EPHB1: variants seen among roughly 807,000 people sequenced by gnomAD.
EPHB1 encodes the protein ephrin type-B receptor 1.
A neutral mutation model predicts 94.4 loss-of-function variants in EPHB1; 30 were observed. That is an observed-to-expected ratio of 0.32 (90% CI 0.24 to 0.43). The LOEUF is 0.43. EPHB1 is among the 20% of genes least tolerant of loss of function. The probability of loss-of-function intolerance (pLI) is 1.00; values close to 1 mark genes in which losing one functional copy is unlikely to be tolerated. For missense variants in EPHB1, 1,055 were observed against 1,308.3 expected, an observed-to-expected ratio of 0.81 and a Z score of 2.99; for synonymous variants, 522 against 489.1, an observed-to-expected ratio of 1.07 and a Z score of -0.89.
chr3:134,828,057 A>G (rs2036517198), intron 1 of EPHB1, among the ~76,000 whole-genome samples: 1 of 152,154 alleles, frequency 6.6e-6, no homozygotes, highest in East Asian at 1.9e-4. Flanking sequence ...GAACTGAGGA[A>G]GCCTTCTGAA....
chr3:134,947,747 TC>T (rs1321519138), intron 2 of EPHB1, among the ~76,000 whole-genome samples: 1 of 152,192 alleles, frequency 6.6e-6, no homozygotes, highest in African/African-American at 2.4e-5. Context: ...AGATAAATTT[TC>T]TCAATATCTC....
At chr3:135,186,764 T>G (rs1285214129) in intron 10 of EPHB1, among the ~76,000 whole-genome samples, 1 of 152,202 alleles carries the variant, frequency 6.6e-6, no homozygotes, top group Non-Finnish European at 1.5e-5. Context: ...TTTTCTCTCT[T>G]CCTCATTTTG....
chr3:134,835,275 A>G (rs1456891099), intron 1 of EPHB1, among the ~76,000 whole-genome samples: 1 of 152,226 alleles, frequency 6.6e-6, no homozygotes, highest in Non-Finnish European at 1.5e-5. Context: ...AACAAGTTCC[A>G]TCCCAGTGGG....
intron 1 of EPHB1, among the ~76,000 whole-genome samples, chr3:134,861,956 G>A (rs1380219217): frequency 2.0e-5 from 3 of 152,176 alleles, no homozygotes; most frequent in Admixed American, 6.5e-5. Flanking sequence ...CCAAGCTTGG[G>A]TATTCATTTT....
At chr3:135,254,971 C>A (rs1933309261) in intron 15 of EPHB1, among the ~76,000 whole-genome samples, 1 of 152,294 alleles carries the variant, frequency 6.6e-6, no homozygotes, top group Admixed American at 6.5e-5. Flanking sequence ...AGGAATTTAT[C>A]CATTTCTTCT....
At chr3:135,080,749 C>T (rs751345567) in intron 3 of EPHB1, among the ~76,000 whole-genome samples, 1 of 152,122 alleles carries the variant, frequency 6.6e-6, no homozygotes, top group African/African-American at 2.4e-5. Flanking sequence ...CTCTCTGTAG[C>T]TTGGGTCCTG....
intron 1 of EPHB1, among the ~76,000 whole-genome samples, chr3:134,897,752 G>A (rs2038115176): frequency 6.6e-6 from 1 of 152,186 alleles, no homozygotes; most frequent in African/African-American, 2.4e-5. Context: ...GAAAACCCTA[G>A]GATTGTCTGT....
chr3:134,923,189 C>G (rs778786167), intron 1 of EPHB1, among the ~76,000 whole-genome samples: 1 of 152,140 alleles, frequency 6.6e-6, no homozygotes. Context: ...GCATGGGGCA[C>G]GACTCAATCC....
At chr3:135,182,879 A>G (rs538482649) in intron 10 of EPHB1, among the ~76,000 whole-genome samples, 2 of 152,272 alleles carry the variant, frequency 1.3e-5, no homozygotes, top group East Asian at 3.9e-4. Flanking sequence ...GTAGCTTGAC[A>G]TCAGCCATAG....
intron 12 of EPHB1, among the ~76,000 whole-genome samples, chr3:135,213,868 C>T (rs1943083408): frequency 6.6e-6 from 1 of 152,178 alleles, no homozygotes; most frequent in Non-Finnish European, 1.5e-5. Context: ...CAGGCTGTCT[C>T]TCCAAGAAGC....
chr3:135,232,473 G>C (rs897061659), intron 12 of EPHB1, among the ~76,000 whole-genome samples: 1 of 152,208 alleles, frequency 6.6e-6, no homozygotes, highest in African/African-American at 2.4e-5. Flanking sequence ...AGTCAGGAGG[G>C]TCACTGCTCG....
At chr3:134,975,421 A>G (rs918102374) in intron 3 of EPHB1, among the ~76,000 whole-genome samples, 4 of 152,086 alleles carry the variant, frequency 2.6e-5, no homozygotes, top group African/African-American at 9.7e-5. Flanking sequence ...GCTGTAAGAG[A>G]GTGAAGGGTA....
intron 13 of EPHB1, among the ~76,000 whole-genome samples, chr3:135,248,110 A>G (rs1003596224): frequency 1.8e-4 from 27 of 152,324 alleles, no homozygotes; most frequent in African/African-American, 6.5e-4. Context: ...AAGTACTACA[A>G]TGTGGCCCCT....
intron 5 of EPHB1, among the ~76,000 whole-genome samples, chr3:135,147,717 G>C (rs918346771): frequency 6.6e-6 from 1 of 152,198 alleles, no homozygotes; most frequent in Non-Finnish European, 1.5e-5. Flanking sequence ...GGGAATTTTA[G>C]ATGTGAAAGT....
At chr3:134,820,923 C>T (rs2036367833) in intron 1 of EPHB1, among the ~76,000 whole-genome samples, 1 of 152,144 alleles carries the variant, frequency 6.6e-6, no homozygotes, top group Non-Finnish European at 1.5e-5. Context: ...AAAGAATTGG[C>T]TCACATAATT....
intron 1 of EPHB1, among the ~76,000 whole-genome samples, chr3:134,844,846 T>G (rs2036841089): frequency 6.6e-6 from 1 of 152,212 alleles, no homozygotes; most frequent in South Asian, 2.1e-4. Context: ...GCCTGCCTCC[T>G]CCCTCTGCTC....
chr3:134,795,640 G>A lies in EPHB1; in HGVS notation c.9G>A (p.Leu3=), dbSNP rs369344090. The change falls in exon 1 of 16, where the codon CTG becomes CTA. Residue 3 remains leucine (L), a synonymous_variant. Coordinates refer to ENST00000398015, the MANE Select transcript of EPHB1 (RefSeq NM_004441.5). ...CGGGCCGTCGGCCGGCGATGGCCCTGGATTATCTACTACTGCTCCTCCTGG... is the reference window on the plus strand; with the variant it reads ...CGGGCCGTCGGCCGGCGATGGCCCTAGATTATCTACTACTGCTCCTCCTGG... The part of the protein sequence containing the change: MA[L]DYLLLLLLAS... The A allele has an allele frequency of 3.9e-5, 62 of 1,607,282 alleles. No individual in the cohort carries two copies. The highest frequency in any genetic ancestry group is 4.3e-5 in the Non-Finnish European group (51 of 1,177,510).
At chr3:135,141,486 A>G (rs568378625) in intron 5 of EPHB1, among the ~76,000 whole-genome samples, 9 of 152,248 alleles carry the variant, frequency 5.9e-5, no homozygotes, top group African/African-American at 2.2e-4. Context: ...ACCATGTCAC[A>G]TGCTGGTGCT....
chr3:135,195,535 C>G (rs1193560429), intron 11 of EPHB1, among the ~76,000 whole-genome samples: 1 of 150,274 alleles, frequency 6.7e-6, no homozygotes, highest in Non-Finnish European at 1.5e-5. Context: ...CTTCCTGTGT[C>G]CATGTGATCT....
Sources: gnomAD v4.1 joint callset for allele counts (sites outside exome capture counted in the v4.1 genomes callset) on GRCh38, gnomAD v4.1.1 for gene constraint, MANE v1.5 for transcripts, NCBI Gene and HGNC (gene_info 2026-07-23, HGNC 2026-07-21) for gene names.